SOX6: variants seen among roughly 807,000 people sequenced by gnomAD.
SOX6 encodes SRY-box transcription factor 6, also known as transcription factor SOX-6.
In SOX6, 11 loss-of-function variants were observed where a neutral mutation model predicts 97.8. The ratio of observed to expected loss-of-function variants is 0.11; its 90% confidence interval spans 0.07 to 0.19. The LOEUF (loss-of-function observed/expected upper bound fraction) is 0.19. Among genes scored for constraint, SOX6 ranks in the 10% least tolerant of loss-of-function variants. The pLI is 1.00. For missense variants in SOX6, 810 were observed against 1,039.5 expected (o/e 0.78, Z 3.04); for synonymous variants, 360 against 371.4 (o/e 0.97, Z 0.35).
chr11:16,254,688 A>T (rs1034752566), intron 3 of SOX6, among the ~76,000 whole-genome samples: 10 of 151,622 alleles, frequency 6.6e-5, no homozygotes, highest in African/African-American at 2.4e-4. Flanking sequence ...CACAAAAGGC[A>T]AAAAAAAGGC....
intron 4 of SOX6, among the ~76,000 whole-genome samples, chr11:16,228,898 AACATTGCTTT>A (rs1271297029): frequency 5.9e-5 from 9 of 152,170 alleles, no homozygotes; most frequent in African/African-American, 2.2e-4. Flanking sequence ...GAGTTTTAGA[AACATTGCTTT>A]ACGTTAATCA....
intron 3 of SOX6, among the ~76,000 whole-genome samples, chr11:16,712,925 C>G (rs1042816907): frequency 1.3e-5 from 2 of 152,132 alleles, no homozygotes; most frequent in Non-Finnish European, 2.9e-5. Flanking sequence ...GAATGAAAGC[C>G]AGGTGTGACT....
chr11:16,050,429 C>G (rs908593964), intron 10 of SOX6, among the ~76,000 whole-genome samples: 3 of 152,224 alleles, frequency 2.0e-5, no homozygotes, highest in Admixed American at 2.0e-4. Flanking sequence ...TGTACTAGGC[C>G]CCTGCCCAGG....
At chr11:16,086,933 A>T (rs1848590595) in intron 9 of SOX6, among the ~76,000 whole-genome samples, 1 of 152,194 alleles carries the variant, frequency 6.6e-6, no homozygotes, top group African/African-American at 2.4e-5. Context: ...AATTCACTTG[A>T]ATATTATAAC....
At chr11:16,737,540 G>C (rs1316212420) in intron 1 of SOX6, among the ~76,000 whole-genome samples, 2 of 151,734 alleles carry the variant, frequency 1.3e-5, no homozygotes, top group African/African-American at 4.8e-5. Flanking sequence ...AATCACATTT[G>C]TATTCAAGGT....
intron 1 of SOX6, among the ~76,000 whole-genome samples, chr11:16,379,014 A>C (rs901127797): frequency 6.6e-6 from 1 of 152,142 alleles, no homozygotes; most frequent in African/African-American, 2.4e-5. Flanking sequence ...CCCACTTTAC[A>C]TATAAGGAAA....
chr11:16,505,265 T>C (rs1028835380), intron 4 of SOX6, among the ~76,000 whole-genome samples: 20 of 152,200 alleles, frequency 1.3e-4, no homozygotes, highest in African/African-American at 4.6e-4. Context: ...TATTGGGAAC[T>C]GGAGCAAAGG....
chr11:16,394,373 T>A (rs1245966104), intron 1 of SOX6, among the ~76,000 whole-genome samples: 2 of 151,850 alleles, frequency 1.3e-5, no homozygotes, highest in Non-Finnish European at 2.9e-5. Context: ...ATAAATCCCC[T>A]CCTTTTAACA....
rs1019408827 is a variant in SOX6, at chr11:16,302,700, G to C, written c.445+15746C>G. 2.7e-5 allele frequency among the ~76,000 whole-genome samples: 4 copies of C among 150,470 alleles called. 1 individual carries two copies. The highest frequency in any genetic ancestry group is 9.8e-5 in the African/African-American group (4 of 40,956). On this transcript the variant is annotated intron_variant, in intron 3 of 15. Coordinates refer to ENST00000683767, the MANE Select transcript of SOX6 (RefSeq NM_001367873.1). ...TTCTCCTGCCACAGCCGCCTGTGTA[G>C]CTGGGATTACAGGCGTGCGCCACCA...
intron 4 of SOX6, among the ~76,000 whole-genome samples, chr11:16,535,339 G>A (rs144303792): frequency 6.6e-6 from 1 of 152,298 alleles, no homozygotes; most frequent in East Asian, 1.9e-4. Flanking sequence ...AATCAAATAA[G>A]CAAATTACTT....
At chr11:16,470,782 A>C (rs1188024710) in intron 1 of SOX6, among the ~76,000 whole-genome samples, 1 of 152,192 alleles carries the variant, frequency 6.6e-6, no homozygotes, top group African/African-American at 2.4e-5. Flanking sequence ...CTCTGCAAAA[A>C]TAAAGATAAT....
chr11:16,394,445 A>G (rs190002277), intron 1 of SOX6, among the ~76,000 whole-genome samples: 188 of 152,050 alleles, frequency 1.2e-3, no homozygotes, highest in Non-Finnish European at 7.8e-4. Flanking sequence ...AACAAAAAAA[A>G]GTTCCAGCAT....
intron 4 of SOX6, among the ~76,000 whole-genome samples, chr11:16,227,310 A>G (rs1374098112): frequency 6.6e-6 from 1 of 152,216 alleles, no homozygotes; most frequent in Non-Finnish European, 1.5e-5. Flanking sequence ...TTCCACCAGC[A>G]TGGGGATACC....
intron 4 of SOX6, among the ~76,000 whole-genome samples, chr11:16,518,638 C>G (rs928128459): frequency 6.6e-6 from 1 of 152,108 alleles, no homozygotes; most frequent in Non-Finnish European, 1.5e-5. Context: ...CGCAAACAAA[C>G]TTTATCCAGA....
chr11:16,097,025 C>A (rs925593251), intron 8 of SOX6, among the ~76,000 whole-genome samples: 23 of 151,878 alleles, frequency 1.5e-4, no homozygotes, highest in Admixed American at 7.9e-4. Context: ...ATTTTTCAAT[C>A]AGCTTCCAAA....
At chr11:16,392,442 G>C (rs1002240198) in intron 1 of SOX6, among the ~76,000 whole-genome samples, 2 of 152,108 alleles carry the variant, frequency 1.3e-5, no homozygotes, top group Admixed American at 6.6e-5. Flanking sequence ...ACCTCAGTAA[G>C]AGAAACTAAA....
intron 2 of SOX6, among the ~76,000 whole-genome samples, chr11:16,331,725 T>C (rs559657926): frequency 6.6e-6 from 1 of 152,244 alleles, no homozygotes; most frequent in South Asian, 2.1e-4. Flanking sequence ...CCCACCTATC[T>C]CTACGTACAT....
At chr11:16,192,957 T>A (rs1851670038) in intron 4 of SOX6, among the ~76,000 whole-genome samples, 1 of 152,036 alleles carries the variant, frequency 6.6e-6, no homozygotes, top group South Asian at 2.1e-4. Flanking sequence ...AAATGGAGAT[T>A]TACCTCACCT....
chr11:16,010,764 C>T (rs1456551888), intron 13 of SOX6, among the ~76,000 whole-genome samples: 1 of 151,842 alleles, frequency 6.6e-6, no homozygotes, highest in East Asian at 1.9e-4. Context: ...AAAACAAAAG[C>T]TCAAGGAACA....
Sources: allele counts gnomAD v4.1 joint callset (sites outside exome capture counted in the v4.1 genomes callset), GRCh38; gene constraint gnomAD v4.1.1; transcripts MANE v1.5; gene names NCBI Gene and HGNC (gene_info 2026-07-23, HGNC 2026-07-21).